Variants in PRMT2 observed in about 807,000 individuals in gnomAD.
PRMT2 encodes the protein protein arginine N-methyltransferase 2.
A neutral mutation model predicts 57.6 loss-of-function variants in PRMT2; 26 were observed. The ratio of observed to expected loss-of-function variants is 0.45; its 90% confidence interval spans 0.33 to 0.63. The LOEUF (loss-of-function observed/expected upper bound fraction) is 0.63. Among genes scored for constraint, PRMT2 ranks in the 20% least tolerant of loss-of-function variants. The pLI is 0.02. For synonymous variants in PRMT2, 219 were observed against 220.0 expected, an observed-to-expected ratio of 1.00 and a Z score of 0.04; for missense variants, 472 against 564.4, an observed-to-expected ratio of 0.84 and a Z score of 1.66.
Position 46,663,571 on chromosome 21 carries a change from T to C in PRMT2, c.1269+17T>C, listed in dbSNP as rs1404262203. On this transcript the variant is annotated intron_variant, in intron 11 of 11. Coordinates refer to ENST00000355680, the MANE Select transcript of PRMT2 (RefSeq NM_206962.4). ...TCTCAAAAAGTAAGATACGTAGTTG[T>C]AAGATTCTGTCCTGTGGGTGCCGGT... The C allele has an allele frequency of 6.2e-7, 1 of 1,610,894 alleles. No homozygotes were observed. Among genetic ancestry groups the C allele is most frequent in the African/African-American group, 1.3e-5 (1 of 74,876 alleles).
chr21:46,640,114 A>G, intron 3 of PRMT2, among the ~76,000 whole-genome samples: 1 of 152,138 alleles, frequency 6.6e-6, no homozygotes, highest in East Asian at 1.9e-4. Flanking sequence ...TAACTACTTC[A>G]TAAGGTAAAG....
Position 46,664,638 on chromosome 21 carries a change from G to GCTAGGT in PRMT2, c.*321_*326dup. 1 of 476,206 alleles carries GCTAGGT rather than the reference G, an allele frequency of 2.1e-6. No homozygotes were observed. The allele number at this position is 476,206 out of a possible 1,614,324, so 29.5% of individuals were successfully genotyped here. A position where few individuals can be genotyped will look rare whatever the true frequency, so the allele number is the denominator to read the frequency against. ...CTGGGTCGGAGCTCCATGTTCCTAA[G>GCTAGGT]CTAGGTCTAGGTCTACACTCCTAGG... On this transcript the variant is annotated 3_prime_UTR_variant, in exon 12 of 12. Transcript: ENST00000355680.
rs181200199 is a variant in PRMT2, at chr21:46,638,279, G to A, written c.39+1289G>A. On this transcript the variant is annotated intron_variant, in intron 3 of 11. Coordinates refer to ENST00000355680, the MANE Select transcript of PRMT2 (RefSeq NM_206962.4). Reference sequence around the variant, plus strand: ...TGCTGGTTCAATCCTGCCACTGTAGGGTACTCCTGTAGTGTGTTCCTTCTC... The same window carrying A: ...TGCTGGTTCAATCCTGCCACTGTAGAGTACTCCTGTAGTGTGTTCCTTCTC... Among the ~76,000 whole-genome samples, 138 of 152,176 alleles carry A rather than the reference G, an allele frequency of 9.1e-4. 1 individual carries two copies. The highest frequency in any genetic ancestry group is 3.0e-3 in the African/African-American group (123 of 41,506).
chr21:46,637,651 AC>A (rs1197700791), intron 3 of PRMT2, among the ~76,000 whole-genome samples: 4 of 152,046 alleles, frequency 2.6e-5, no homozygotes, highest in Non-Finnish European at 4.4e-5. Context: ...AATTCCGTGG[AC>A]ATCTTATTTT....
intron 7 of PRMT2, chr21:46,652,802 A>G (rs1447682968): frequency 1.6e-6 from 2 of 1,234,658 alleles, no homozygotes; most frequent in African/African-American, 3.1e-5. Context: ...ATTTTTGTTA[A>G]CAAAGCAGGT....
intron 7 of PRMT2, chr21:46,657,634 T>C (rs1475624079): frequency 1.3e-5 from 2 of 152,092 alleles, no homozygotes; most frequent in Non-Finnish European, 2.9e-5. Context: ...GGAGACCAGA[T>C]CGGTGGCTGG....
chr21:46,653,406 A>G, intron 7 of PRMT2: 1 of 985,452 alleles, frequency 1.0e-6, no homozygotes, highest in African/African-American at 1.7e-5. Flanking sequence ...TGTGTGGTGT[A>G]GATGATGGGA....
chr21:46,659,627 G>C (rs1469906088), intron 8 of PRMT2: 8 of 985,182 alleles, frequency 8.1e-6, no homozygotes, highest in African/African-American at 1.7e-5. Context: ...GACAAGCAAA[G>C]AGTAAATTAA....
intron 7 of PRMT2, chr21:46,657,533 A>G (rs2148996882): frequency 6.6e-6 from 1 of 152,378 alleles, no homozygotes; most frequent in East Asian, 1.9e-4. Context: ...CAGAAACGGT[A>G]CAGTGAGTGA....
At position 46,661,862 on chromosome 21, in the gene PRMT2, C is replaced by A. The variant is rs769928916; in HGVS notation, c.1023C>A (p.Ala341=). The A allele has an allele frequency of 1.3e-6, 2 of 1,514,908 alleles. No individual in the cohort carries two copies. The highest frequency in any genetic ancestry group is 1.4e-5 in the African/African-American group (1 of 69,890). The allele number at this position is 1,514,908 out of a possible 1,614,324, so 93.8% of individuals were successfully genotyped here. ...CGGGGACCCTGCACGGCTTCACGGC[C>A]TGGTTTAGCGTCCACTTCCAGAGCC... The part of the protein sequence containing the change: ...RKAGTLHGFT[A]WFSVHFQSLQ... The change falls in exon 10 of 12, where the codon GCC becomes GCA. Residue 341 remains alanine, a synonymous_variant. Transcript: ENST00000355680.
Position 46,636,947 on chromosome 21 carries a change from G to A in PRMT2, c.-5G>A, listed in dbSNP as rs749444372. On this transcript the variant is annotated 5_prime_UTR_variant, in exon 3 of 12. Transcript: ENST00000355680. ...AGCAGTTATGAGGCAGAGCCTAAGA[G>A]AACTATGGCAACATCAGGTGACTGT... The A allele has an allele frequency of 3.7e-6, 6 of 1,613,238 alleles. No individual in the cohort carries two copies. Among genetic ancestry groups the A allele is most frequent in the Non-Finnish European group, 5.1e-6 (6 of 1,179,648 alleles).
chr21:46,659,677 T>G (rs752778960), intron 8 of PRMT2: 1 of 985,382 alleles, frequency 1.0e-6, no homozygotes, highest in Non-Finnish European at 1.2e-6. Context: ...CAGGGAGGTG[T>G]GGCTGCCAGG....
rs894512828 is a variant in PRMT2, at chr21:46,658,571, G to C, written c.655-174G>C. 6.0e-6 allele frequency: 7 copies of C among 1,157,358 alleles called. No homozygotes were observed. The African/African-American group carries it at 9.4e-5, about 16-fold the overall frequency. The allele number at this position is 1,157,358 out of a possible 1,614,324, so 71.7% of individuals were successfully genotyped here. A position where few individuals can be genotyped will look rare whatever the true frequency, so the allele number is the denominator to read the frequency against. ...TGTGAGATGCATCAGTGACGTGTGG[G>C]CATAAAATAAACCCTCGAGATGTTC... On this transcript the variant is annotated intron_variant, in intron 7 of 11. Transcript: ENST00000355680.
intron 7 of PRMT2, chr21:46,654,838 C>A: frequency 1.1e-6 from 1 of 949,898 alleles, no homozygotes; most frequent in Non-Finnish European, 1.3e-6. Context: ...GGTCCTGGAA[C>A]AAGTTCCCCA....
chr21:46,655,158 G>T (rs923814352), intron 7 of PRMT2, among the ~76,000 whole-genome samples: 4 of 152,064 alleles, frequency 2.6e-5, no homozygotes, highest in African/African-American at 9.7e-5. Flanking sequence ...AAAAACTCCA[G>T]TTCTAAACAA....
In PRMT2 at chr21:46,643,638, A is replaced by G. The variant is rs1314452074; in HGVS notation, c.143A>G (p.Gln48Arg). Reference protein sequence around the residue: ...IADYAATDETQLSFLRGEKIL... With the variant: ...IADYAATDETRLSFLRGEKIL... ...GACTACGCTGCCACCGATGAGACCC[A>G]GGTAGCCACACGTGGTGGTTAATGC... The change falls in exon 4 of 12, where the codon CAG (glutamine) becomes CGG (arginine). Residue 48 changes from glutamine (Q) to arginine (R), a missense_variant and splice_region_variant. Gln to Arg is a conservative substitution (Grantham distance 43, BLOSUM62 1). Coordinates refer to ENST00000355680, the MANE Select transcript of PRMT2 (RefSeq NM_206962.4). 1.2e-6 allele frequency: 2 copies of G among 1,602,294 alleles called. No individual in the cohort carries two copies. The highest frequency in any genetic ancestry group is 2.2e-5 in the South Asian group (2 of 89,092).
intron 9 of PRMT2, chr21:46,661,554 GA>G: frequency 9.5e-6 from 2 of 210,186 alleles, no homozygotes; most frequent in Non-Finnish European, 1.5e-5. Context: ...GCTGAGCGCC[GA>G]AAAGATTCCG....
chr21:46,637,526 GTTTTC>G lies in PRMT2; in HGVS notation c.39+541_39+545del, dbSNP rs1392662712. On this transcript the variant is annotated intron_variant, in intron 3 of 11. Coordinates refer to ENST00000355680, the MANE Select transcript of PRMT2 (RefSeq NM_206962.4). ...CCGTATCTGTTATGTCAATTTTAAT[GTTTTC>G]TTTTTTTCTCTTTCATTCCAATGAG... 9.9e-5 allele frequency among the ~76,000 whole-genome samples: 15 copies of G among 152,034 alleles called. No homozygotes were observed. The East Asian group carries it at 2.5e-3, about 25-fold the overall frequency.
chr21:46,642,244 A>C (rs2061289304), intron 3 of PRMT2, among the ~76,000 whole-genome samples: 2 of 152,250 alleles, frequency 1.3e-5, no homozygotes, highest in South Asian at 4.1e-4. Flanking sequence ...TGTTGAAAGA[A>C]GTTCATCTTA....
Sources: gnomAD v4.1 joint callset for allele counts (sites outside exome capture counted in the v4.1 genomes callset) on GRCh38, gnomAD v4.1.1 for gene constraint, MANE v1.5 for transcripts, NCBI Gene and HGNC (gene_info 2026-07-23, HGNC 2026-07-21) for gene names.